The following DPYSL3 variants were observed in gnomAD, a reference collection of about 807,000 sequenced individuals.
DPYSL3 encodes dihydropyrimidinase like 3.
DPYSL3 carries 16 observed loss-of-function variants against 66.1 expected under a neutral mutation model. That is an observed-to-expected ratio of 0.24 (90% CI 0.16 to 0.37). The LOEUF (loss-of-function observed/expected upper bound fraction) is 0.37. Ranked by LOEUF, DPYSL3 falls within the 10% of genes least tolerant of loss-of-function variation. The pLI, the probability that DPYSL3 is intolerant of heterozygous loss-of-function variation, is 1.00. For synonymous variants in DPYSL3, 338 were observed against 345.1 expected (o/e 0.98, Z 0.23); for missense variants, 738 against 916.2 (o/e 0.81, Z 2.51).
chr5:147,410,931 C>T (rs570682931), intron 6 of DPYSL3, among the ~76,000 whole-genome samples: 5 of 152,222 alleles, frequency 3.3e-5, no homozygotes, highest in South Asian at 2.1e-4. Flanking sequence ...GAAATAGCAG[C>T]GGGAGGGGAA....
At chr5:147,427,900 G>A (rs976260421) in intron 1 of DPYSL3, among the ~76,000 whole-genome samples, 11 of 152,092 alleles carry the variant, frequency 7.2e-5, no homozygotes, top group African/African-American at 2.7e-4. Context: ...AACTAAACTG[G>A]GTTTTGGAAA....
chr5:147,470,704 C>T (rs1753073903), intron 1 of DPYSL3, among the ~76,000 whole-genome samples: 2 of 152,174 alleles, frequency 1.3e-5, no homozygotes, highest in African/African-American at 4.8e-5. Context: ...CTAGGCGTTC[C>T]TTTCTCACAT....
chr5:147,510,025 G>T lies in DPYSL3; in HGVS notation c.-167C>A. On this transcript the variant is annotated 5_prime_UTR_variant, in exon 1 of 14. It adds an upstream start codon to the 5' untranslated region. Transcript: ENST00000343218. The stretch of plus-strand genomic sequence containing the variant: ...ATTCCTGCTTGTCCCTAGCGAGCCA[G>T]CGAGCCACACAGCCAGCTAGCGCGC... The T allele has an allele frequency of 8.4e-7, 1 of 1,191,936 alleles. No homozygotes were observed. Among genetic ancestry groups the T allele is most frequent in the Non-Finnish European group, 1.1e-6 (1 of 888,926 alleles). The allele number at this position is 1,191,936 out of a possible 1,614,324, so 73.8% of individuals were successfully genotyped here. A position where few individuals can be genotyped will look rare whatever the true frequency, so the allele number is the denominator to read the frequency against.
intron 3 of DPYSL3, among the ~76,000 whole-genome samples, chr5:147,417,731 A>T (rs1316745789): frequency 6.6e-6 from 1 of 152,054 alleles, no homozygotes; most frequent in African/African-American, 2.4e-5. Context: ...TTTTTTTTGG[A>T]ATTGCAATAG....
intron 2 of DPYSL3, among the ~76,000 whole-genome samples, chr5:147,422,709 A>G (rs1232738839): frequency 2.6e-5 from 4 of 152,174 alleles, no homozygotes; most frequent in Admixed American, 1.3e-4. Context: ...TTGCAGGGAC[A>G]TGGATGAAGC....
chr5:147,505,959 G>A (rs188722416), intron 1 of DPYSL3, among the ~76,000 whole-genome samples: 2 of 152,278 alleles, frequency 1.3e-5, no homozygotes, highest in Admixed American at 1.3e-4. Context: ...ATCAGATTGT[G>A]AATTCTGGCT....
intron 4 of DPYSL3, among the ~76,000 whole-genome samples, chr5:147,414,522 T>G (rs947477114): frequency 1.3e-5 from 2 of 152,292 alleles, no homozygotes; most frequent in Non-Finnish European, 2.9e-5. Flanking sequence ...GGTTGTAATT[T>G]GAGAACTTCC....
chr5:147,449,576 G>A (rs1161141186), intron 1 of DPYSL3, among the ~76,000 whole-genome samples: 1 of 152,224 alleles, frequency 6.6e-6, no homozygotes, highest in Non-Finnish European at 1.5e-5. Context: ...AGAGGCAGCT[G>A]CTGCACCATG....
intron 1 of DPYSL3, among the ~76,000 whole-genome samples, chr5:147,455,746 G>A (rs1353637574): frequency 6.6e-6 from 1 of 151,588 alleles, no homozygotes; most frequent in African/African-American, 2.4e-5. Flanking sequence ...ATATGTAGGG[G>A]ACATTTACAA....
chr5:147,405,165 C>G (rs78799738), intron 8 of DPYSL3, among the ~76,000 whole-genome samples: 2,837 of 152,248 alleles, frequency 0.019, 85 homozygotes, highest in African/African-American at 0.066. Flanking sequence ...ACACCTAATA[C>G]CATTGTTGAG....
intron 4 of DPYSL3, among the ~76,000 whole-genome samples, chr5:147,413,877 C>G (rs1751909956): frequency 6.6e-6 from 1 of 152,194 alleles, no homozygotes; most frequent in East Asian, 1.9e-4. Flanking sequence ...GCAGAATGGT[C>G]TCTTCTTCTG....
At chr5:147,454,271 T>G (rs1752805343) in intron 1 of DPYSL3, 1 of 152,180 alleles carries the variant, frequency 6.6e-6, no homozygotes, top group Non-Finnish European at 1.5e-5. Flanking sequence ...GGCCGCGCCT[T>G]TGTTCGAGAG....
intron 6 of DPYSL3, 84 bp from the exon 7 acceptor site, chr5:147,408,880 C>T: frequency 1.5e-6 from 2 of 1,365,944 alleles, no homozygotes; most frequent in Non-Finnish European, 2.1e-6. Context: ...ATCTAAAGAT[C>T]TAAAGAATAA....
chr5:147,415,960 G>A (rs748617037), intron 3 of DPYSL3, 87 bp from the exon 4 acceptor site: 103 of 1,419,500 alleles, frequency 7.3e-5, no homozygotes, highest in Non-Finnish European at 8.1e-5. Flanking sequence ...GCTTAGCTGT[G>A]ACTGCAGAAT....
chr5:147,502,401 A>C (rs1753625168), intron 1 of DPYSL3, among the ~76,000 whole-genome samples: 1 of 151,544 alleles, frequency 6.6e-6, no homozygotes. Flanking sequence ...ACACACACAC[A>C]TATACACACA....
intron 1 of DPYSL3, among the ~76,000 whole-genome samples, chr5:147,468,889 AAG>A (rs1753045738): frequency 6.6e-6 from 1 of 152,226 alleles, no homozygotes; most frequent in African/African-American, 2.4e-5. Flanking sequence ...TTAGGATAAA[AAG>A]ATGATAAGAG....
chr5:147,393,126 G>C lies in DPYSL3; in HGVS notation c.*909C>G, dbSNP rs540005947. The C allele has an allele frequency of 6.6e-6, 1 of 152,188 alleles. No individual in the cohort carries two copies. Among genetic ancestry groups the C allele is most frequent in the Admixed American group, 6.5e-5 (1 of 15,284 alleles). 9.4% of individuals were successfully genotyped at this position (152,188 alleles called of 1,614,324 possible). ...TTGCAAAGACAGAAGAGTGAGAGGT[G>C]ACCTCGCCGTGTTTAGAAGGAAGCG... On this transcript the variant is annotated 3_prime_UTR_variant, in exon 14 of 14. Coordinates refer to ENST00000343218, the MANE Select transcript of DPYSL3 (RefSeq NM_001197294.2).
chr5:147,439,159 A>G (rs1554114515), intron 1 of DPYSL3, among the ~76,000 whole-genome samples: 1 of 152,250 alleles, frequency 6.6e-6, no homozygotes, highest in Non-Finnish European at 1.5e-5. Context: ...ACAATAGTGA[A>G]CAAAATAAAA....
Position 147,400,728 on chromosome 5 carries a change from C to T in DPYSL3, c.1416G>A (p.Val472=), listed in dbSNP as rs755267708. ...FTAIPEGTNG[V]EERMSVIWDK... ...CCCAGATGACAGACATCCGCTCCTCCACACCATTGGTGCCCTCAGGAATGG... is the reference window on the plus strand; with the variant it reads ...CCCAGATGACAGACATCCGCTCCTCTACACCATTGGTGCCCTCAGGAATGG... The change falls in exon 10 of 14, where the codon GTG becomes GTA. Residue 472 remains valine (V), a synonymous_variant. Transcript: ENST00000343218. The T allele has an allele frequency of 1.2e-6, 2 of 1,614,070 alleles. No homozygotes were observed. Among genetic ancestry groups the T allele is most frequent in the East Asian group, 4.5e-5 (2 of 44,892 alleles).
Sources: allele counts gnomAD v4.1 joint callset (sites outside exome capture counted in the v4.1 genomes callset), GRCh38; gene constraint gnomAD v4.1.1; transcripts MANE v1.5; gene names NCBI Gene and HGNC (gene_info 2026-07-23, HGNC 2026-07-21).